The following LAMA5 variants were observed in gnomAD, a reference collection of about 807,000 sequenced individuals.
The protein encoded by LAMA5 is laminin subunit alpha-5.
A neutral mutation model predicts 433.4 loss-of-function variants in LAMA5; 260 were observed. The observed-to-expected ratio is 0.60, with a 90% CI of 0.54 to 0.66. LAMA5 has a LOEUF of 0.66. LAMA5 is among the 30% of genes least tolerant of loss of function. The pLI is 0.00. For synonymous variants in LAMA5, 2,620 were observed against 2,226.6 expected (o/e 1.18, Z -4.97); for missense variants, 5,378 against 5,258.5 (o/e 1.02, Z -0.70).
In LAMA5 at chr20:62,310,992, G is replaced by A. The variant is rs747969339; in HGVS notation, c.10191C>T (p.Ser3397=). The change falls in exon 74 of 80, where the codon AGC becomes AGT. Residue 3397 remains serine, a synonymous_variant. Coordinates refer to ENST00000252999, the MANE Select transcript of LAMA5 (RefSeq NM_005560.6). ...CCATCTGTGCAACGAAGTGGCCATT[G>A]CTCAGGAAGAGCGCCAGGGAGGGGC... The part of the protein sequence containing the change: ...PGSPSLALFL[S]NGHFVAQMEG... 20 of 1,611,200 alleles carry A rather than the reference G, an allele frequency of 1.2e-5. No homozygotes were observed. In the East Asian group the frequency reaches 2.7e-4, roughly 22 times the overall value.
rs78320252 is a variant in LAMA5, at chr20:62,335,121, G to C, written c.2382C>G (p.Thr794=). Residue 794 remains threonine (T), a synonymous_variant, in exon 20 of 80, where the codon ACC becomes ACG. Transcript: ENST00000252999. ...LGGVAECQPG[T]GQCFCKPHVC... ...CGTGGGGCTTGCAGAAGCACTGGCC[G>C]GTGCCCTGGGGGCCAAGGGAGGAGG... 3.7e-6 allele frequency: 6 copies of C among 1,612,726 alleles called. No individual in the cohort carries two copies. The East Asian group carries it at 1.3e-4, about 36-fold the overall frequency.
chr20:62,330,771 G>T lies in LAMA5; in HGVS notation c.3824C>A (p.Ala1275Glu). The T allele has an allele frequency of 6.4e-7, 1 of 1,563,662 alleles. No individual in the cohort carries two copies. The highest frequency in any genetic ancestry group is 8.7e-7 in the Non-Finnish European group (1 of 1,154,982). Residue 1275 changes from alanine to glutamate, a missense_variant, in exon 30 of 80, where the codon GCA becomes GAA. Coordinates refer to ENST00000252999, the MANE Select transcript of LAMA5 (RefSeq NM_005560.6). The stretch of plus-strand genomic sequence containing the variant: ...GGGCTCACGCAGCAGGGTGGGCTCT[G>T]CATCAGGGTCCACAGCGGTGGGGGG... ...PRPPTAVDPDAEPTLLREPQA... is the reference protein window; with the variant it reads ...PRPPTAVDPDEEPTLLREPQA...
At chr20:62,345,707 CA>C in intron 11 of LAMA5, 110 bp downstream of exon 11, 1 of 786,514 alleles carries the variant, frequency 1.3e-6, no homozygotes. Context: ...AGAAATAAGC[CA>C]AAAATAAAGT....
In LAMA5 at chr20:62,329,265, G is replaced by A; in HGVS notation, c.4120-12C>T. The A allele has an allele frequency of 1.9e-6, 3 of 1,593,896 alleles. No homozygotes were observed. Among genetic ancestry groups the A allele is most frequent in the Non-Finnish European group, 2.6e-6 (3 of 1,163,844 alleles). ...ACGAGTACATAATCCTAGGGGGTGA[G>A]GCCTGGTCACTCTCCCGCGGGCCCA... On this transcript the variant is annotated splice_polypyrimidine_tract_variant and intron_variant, in intron 32 of 79. Transcript: ENST00000252999.
At chr20:62,343,700 C>G (rs191988174) in intron 11 of LAMA5, among the ~76,000 whole-genome samples, 1 of 131,306 alleles carries the variant, frequency 7.6e-6, no homozygotes, top group Non-Finnish European at 1.6e-5. Context: ...CACTTGAACT[C>G]GGGGGGCAGA....
chr20:62,336,993 A>G (rs1981747459), intron 16 of LAMA5: 3 of 691,076 alleles, frequency 4.3e-6, no homozygotes, highest in Non-Finnish European at 5.3e-6. Flanking sequence ...GCACCTGCTC[A>G]TGGACATGCA....
chr20:62,341,068 A>AAAT (rs1384036584), intron 11 of LAMA5, among the ~76,000 whole-genome samples: 2 of 65,948 alleles, frequency 3.0e-5, no homozygotes, highest in African/African-American at 6.1e-5. Flanking sequence ...ATAAATAAAT[A>AAAT]AATAAATAAA....
rs749529553 is a variant in LAMA5, at chr20:62,310,373, C to CCCCTG, written c.10600+41_10600+45dup. On this transcript the variant is annotated intron_variant, in intron 76 of 79. Coordinates refer to ENST00000252999, the MANE Select transcript of LAMA5 (RefSeq NM_005560.6). ...GCCCCTCCCCAGAACCTCCTGGAGC[C>CCCCTG]CCCTGCCCTGCCCTGCTGAGGCCTG... 8.3e-6 allele frequency: 13 copies of CCCCTG among 1,568,678 alleles called. No individual in the cohort carries two copies. The African/African-American group carries it at 1.1e-4, about 13-fold the overall frequency.
At chr20:62,313,972 A>ATG (rs1986626838) in intron 62 of LAMA5, among the ~76,000 whole-genome samples, 170 bp from the exon 63 acceptor site, 3 of 3,210 alleles carry the variant, frequency 9.3e-4, no homozygotes, top group Admixed American at 4.5e-3. Context: ...GCGAGTGGGC[A>ATG]CAGAGACGGG....
intron 1 of LAMA5, among the ~76,000 whole-genome samples, chr20:62,365,207 A>C (rs985788147): frequency 2.0e-5 from 3 of 152,196 alleles, no homozygotes; most frequent in African/African-American, 4.8e-5. Context: ...CTGGTTTCTC[A>C]TCCAAGCTGG....
At position 62,315,147 on chromosome 20, in the gene LAMA5, G is replaced by A. The variant is rs150534204; in HGVS notation, c.7928C>T (p.Ala2643Val). The stretch of plus-strand genomic sequence containing the variant: ...CTGCAGCTGGGACTGCACACGGGTG[G>A]CGGTGTCCTGGGCTTCAGCAGCCAC... ...KAVAAEAQDT[A>V]TRVQSQLQAM... The change falls in exon 59 of 80, where the codon GCC becomes GTC. Residue 2643 changes from alanine to valine, a missense_variant. Coordinates refer to ENST00000252999, the MANE Select transcript of LAMA5 (RefSeq NM_005560.6). 725 of 1,610,646 alleles carry A rather than the reference G, an allele frequency of 4.5e-4. 13 individuals carry two copies. The South Asian group carries it at 7.6e-3, about 17-fold the overall frequency.
At chr20:62,319,058 T>G (rs1433145622) in intron 51 of LAMA5, 45 bp from the exon 52 acceptor site, 2 of 1,470,872 alleles carry the variant, frequency 1.4e-6, no homozygotes, top group Admixed American at 4.8e-5. Flanking sequence ...CCCGTACTAG[T>G]GCACCTCTGC....
Position 62,330,473 on chromosome 20 carries a change from A to C in LAMA5, c.3979+15T>G. On this transcript the variant is annotated intron_variant, in intron 31 of 79. Transcript: ENST00000252999. ...GTGTGTGGTAGCCTCTCCACCCCCC[A>C]CACCAGACACTCACCCTGCCACACG... 1 of 1,532,194 alleles carries C rather than the reference A, an allele frequency of 6.5e-7. No individual in the cohort carries two copies. The allele number at this position is 1,532,194 out of a possible 1,614,324, so 94.9% of individuals were successfully genotyped here. A position where few individuals can be genotyped will look rare whatever the true frequency, so the allele number is the denominator to read the frequency against.
rs1262638557 is a variant in LAMA5, at chr20:62,333,307, G to GGGGAAGCCAGGCACAGTGGGGGTCC, written c.3128+43_3129-65dup. 3,541 of 1,595,418 alleles carry GGGGAAGCCAGGCACAGTGGGGGTCC rather than the reference G, an allele frequency of 2.2e-3. 75 individuals carry two copies. The African/African-American group carries it at 0.043, about 20-fold the overall frequency. ...CAGGTCCCCAGAGACAGCCTGAGTG[G>GGGGAAGCCAGGCACAGTGGGGGTCC]GGGAAGCCAGGCACAGTGGGGGTCC... On this transcript the variant is annotated intron_variant, in intron 25 of 79. Transcript: ENST00000252999.
chr20:62,326,647 G>T, intron 40 of LAMA5, 30 bp downstream of exon 40: 2 of 1,584,956 alleles, frequency 1.3e-6, no homozygotes, highest in South Asian at 1.1e-5. Flanking sequence ...GTCCATGAGG[G>T]ACCTGGGTGC....
In LAMA5 at chr20:62,325,423, G is replaced by A; in HGVS notation, c.5422C>T (p.Leu1808=). ...GCCACCTCCAGTGCCACCCTGCGCA[G>A]GAAGACAGCCGAGGAGATCTGTGAG... ...LFSQISSAVF[L]RRVALEVASP... The change falls in exon 41 of 80, where the codon CTG becomes TTG. Residue 1808 remains leucine (L), a synonymous_variant. Transcript: ENST00000252999. 6.2e-7 allele frequency: 1 copy of A among 1,612,368 alleles called. No individual in the cohort carries two copies. The highest frequency in any genetic ancestry group is 1.1e-5 in the South Asian group (1 of 91,052).
chr20:62,320,970 T>G, intron 48 of LAMA5, 80 bp from the exon 49 acceptor site: 1 of 1,487,800 alleles, frequency 6.7e-7, no homozygotes, highest in Non-Finnish European at 9.1e-7. Context: ...CTGGGGTCAT[T>G]AGGGTGGGGA....
At position 62,318,500 on chromosome 20, in the gene LAMA5, G is replaced by A; in HGVS notation, c.7193C>T (p.Ala2398Val). The A allele has an allele frequency of 6.2e-7, 1 of 1,608,550 alleles. No individual in the cohort carries two copies. The highest frequency in any genetic ancestry group is 8.5e-7 in the Non-Finnish European group (1 of 1,178,798). ...LNRAVDATREAQELNSRNQER... is the reference protein window; with the variant it reads ...LNRAVDATREVQELNSRNQER... Reference sequence around the variant, plus strand: ...CTGGTTGCGGCTGTTGAGCTCCTGGGCCTCCCGTGTGGCGTCCACTGCCCG... The same window carrying A: ...CTGGTTGCGGCTGTTGAGCTCCTGGACCTCCCGTGTGGCGTCCACTGCCCG... Residue 2398 changes from alanine to valine, a missense_variant, in exon 53 of 80, where the codon GCC becomes GTC. Ala to Val is a moderately conservative substitution (Grantham distance 64, BLOSUM62 0). Coordinates refer to ENST00000252999, the MANE Select transcript of LAMA5 (RefSeq NM_005560.6).
Position 62,322,542 on chromosome 20 carries a change from C to A in LAMA5, c.6166-93G>T, listed in dbSNP as rs553246268. On this transcript the variant is annotated intron_variant, in intron 46 of 79. Transcript: ENST00000252999. ...GGGTCCTGCCCATCTGGCCCCACCC[C>A]CTGAGGCTCTGCCCATCAAACACTG... The A allele has an allele frequency of 9.6e-6, 14 of 1,452,234 alleles. No individual in the cohort carries two copies. In the African/African-American group the frequency reaches 1.7e-4, roughly 17 times the overall value. The allele number at this position is 1,452,234 out of a possible 1,614,324, so 90.0% of individuals were successfully genotyped here.
Sources: gnomAD v4.1 joint callset for allele counts (sites outside exome capture counted in the v4.1 genomes callset) on GRCh38, gnomAD v4.1.1 for gene constraint, MANE v1.5 for transcripts, NCBI Gene and HGNC (gene_info 2026-07-23, HGNC 2026-07-21) for gene names.